ZNF713: variants seen among roughly 807,000 people sequenced by gnomAD.
ZNF713 encodes the protein zinc finger protein 713.
Under a neutral mutation model 28.7 loss-of-function variants are expected in ZNF713, and 21 were observed. The ratio of observed to expected loss-of-function variants is 0.73; its 90% CI spans 0.52 to 1.05. ZNF713 has a LOEUF of 1.05. Among genes scored for constraint, ZNF713 ranks in the 50% least tolerant of loss-of-function variants. ZNF713 has a pLI of 0.00. For missense variants in ZNF713, 458 were observed against 532.4 expected (o/e 0.86, Z 1.37); for synonymous variants, 167 against 178.0 (o/e 0.94, Z 0.49).
chr7:55,913,745 G>A lies in ZNF713; in HGVS notation c.87+1022G>A, dbSNP rs549988637. Among the ~76,000 whole-genome samples the A allele has an allele frequency of 5.9e-5, 9 of 152,220 alleles. No homozygotes were observed. In the East Asian group the frequency reaches 1.5e-3, roughly 26 times the overall value. On this transcript the variant is annotated intron_variant, in intron 4 of 6. Coordinates refer to ENST00000429591, the MANE Select transcript of ZNF713 (RefSeq NM_182633.3). ...TGTCAGTTGCTTGTGTAATTGACTT[G>A]TGAAACTGCTTCATGAAACAGAAAC... is the stretch of plus-strand genomic sequence containing the variant.
chr7:55,895,551 C>G (rs1785458836), intron 1 of ZNF713, among the ~76,000 whole-genome samples: 1 of 144,486 alleles, frequency 6.9e-6, no homozygotes, highest in African/African-American at 2.5e-5. Context: ...TCACTGTAAC[C>G]TCCATCTCCT....
intron 4 of ZNF713, among the ~76,000 whole-genome samples, chr7:55,919,131 G>C (rs565010643): frequency 6.6e-6 from 1 of 152,264 alleles, no homozygotes; most frequent in African/African-American, 2.4e-5. Context: ...GAGGGAAAAA[G>C]ATAAACTAAC....
chr7:55,927,008 T>C (rs1786109264), intron 6 of ZNF713, among the ~76,000 whole-genome samples: 1 of 151,856 alleles, frequency 6.6e-6, no homozygotes, highest in Non-Finnish European at 1.5e-5. Context: ...CAGGCATGGT[T>C]GTGGGCGCTT....
At chr7:55,913,149 C>T (rs1213151642) in intron 4 of ZNF713, among the ~76,000 whole-genome samples, 11 of 150,510 alleles carry the variant, frequency 7.3e-5, no homozygotes, top group Admixed American at 3.3e-4. Context: ...GTTTCCCAAG[C>T]ATCTGTTGTA....
chr7:55,914,539 A>T (rs566089983), intron 4 of ZNF713, among the ~76,000 whole-genome samples: 9 of 152,304 alleles, frequency 5.9e-5, no homozygotes, highest in Non-Finnish European at 7.4e-5. Flanking sequence ...ATATTCAGAA[A>T]TGCATAATGT....
chr7:55,940,983 C>G lies in ZNF713; in HGVS notation c.*977C>G, dbSNP rs1562752054. On this transcript the variant is annotated 3_prime_UTR_variant, in exon 7 of 7. Coordinates refer to ENST00000429591, the MANE Select transcript of ZNF713 (RefSeq NM_182633.3). Reference sequence around the variant, plus strand: ...GGTGCGTACCACCACGCCTGGCTAACTTTTTTTTTGTATTTTTTAGTAGAG... The same window carrying G: ...GGTGCGTACCACCACGCCTGGCTAAGTTTTTTTTTGTATTTTTTAGTAGAG... 6.8e-6 allele frequency: 1 copy of G among 147,232 alleles called. No individual in the cohort carries two copies. The highest frequency in any genetic ancestry group is 1.5e-5 in the Non-Finnish European group (1 of 66,470). 9.1% of individuals were successfully genotyped at this position (147,232 alleles called of 1,614,324 possible).
chr7:55,919,002 GA>G (rs1408206237), intron 4 of ZNF713, among the ~76,000 whole-genome samples: 1,516 of 126,018 alleles, frequency 0.012, 22 homozygotes, highest in African/African-American at 0.037. Context: ...TCAAAAGAAA[GA>G]AAAAAAAAAA....
At chr7:55,915,586 A>C (rs1235001903) in intron 4 of ZNF713, among the ~76,000 whole-genome samples, 1 of 152,240 alleles carries the variant, frequency 6.6e-6, no homozygotes, top group Non-Finnish European at 1.5e-5. Context: ...TTAAGATGAG[A>C]AAGAAAAGAT....
chr7:55,908,135 GTTTTTTTTTTTTTTT>G (rs71015120), intron 2 of ZNF713, among the ~76,000 whole-genome samples: 1 of 54,658 alleles, frequency 1.8e-5, no homozygotes, highest in Non-Finnish European at 3.5e-5. Context: ...ATCCGTTGTT[GTTTTTTTTTTTTTTT>G]TTTTTTTTTT....
chr7:55,891,186 ATAAT>A (rs1156345874), intron 1 of ZNF713, among the ~76,000 whole-genome samples: 2 of 152,214 alleles, frequency 1.3e-5, no homozygotes, highest in Non-Finnish European at 2.9e-5. Flanking sequence ...GAACTAAGAA[ATAAT>A]TCAGTTTCAA....
intron 2 of ZNF713, among the ~76,000 whole-genome samples, chr7:55,906,734 G>T (rs1000327333): frequency 6.6e-6 from 1 of 152,108 alleles, no homozygotes; most frequent in Non-Finnish European, 1.5e-5. Context: ...CACCAGCTGG[G>T]TTTGTGTATG....
chr7:55,888,439 G>A (rs1785318981), intron 1 of ZNF713, among the ~76,000 whole-genome samples: 1 of 152,154 alleles, frequency 6.6e-6, no homozygotes, highest in Admixed American at 6.5e-5. Flanking sequence ...CTGCAGTGCA[G>A]TGGCACCATC....
intron 4 of ZNF713, among the ~76,000 whole-genome samples, chr7:55,918,794 A>C (rs1367727704): frequency 6.6e-6 from 1 of 152,100 alleles, no homozygotes; most frequent in Non-Finnish European, 1.5e-5. Flanking sequence ...GGAGTTTGAG[A>C]CTAGCCTGGC....
Position 55,940,022 on chromosome 7 carries a change from A to T in ZNF713, c.*16A>T. On this transcript the variant is annotated 3_prime_UTR_variant, in exon 7 of 7. Coordinates refer to ENST00000429591, the MANE Select transcript of ZNF713 (RefSeq NM_182633.3). The stretch of plus-strand genomic sequence containing the variant: ...CAGCACATAACTTATGGTGGGGGAA[A>T]TCAGATAAATATATAAATGTAGGAG... 1 of 1,535,982 alleles carries T rather than the reference A, an allele frequency of 6.5e-7. No homozygotes were observed. Among genetic ancestry groups the T allele is most frequent in the Non-Finnish European group, 8.7e-7 (1 of 1,143,672 alleles).
At chr7:55,923,542 G>T in intron 5 of ZNF713, 65 bp from the exon 6 acceptor site, 2 of 1,397,850 alleles carry the variant, frequency 1.4e-6, no homozygotes, top group East Asian at 5.0e-5. Context: ...GAAAAGGTTG[G>T]GAGTGTGTCT....
intron 2 of ZNF713, among the ~76,000 whole-genome samples, chr7:55,910,131 G>T (rs569472154): frequency 1.3e-5 from 2 of 152,064 alleles, no homozygotes; most frequent in Admixed American, 6.6e-5. Context: ...AAAATGCTGG[G>T]ATTATAGGCA....
In ZNF713 at chr7:55,905,205, G is replaced by A. The variant is rs534375627; in HGVS notation, c.-582-1048G>A. 5.3e-5 allele frequency among the ~76,000 whole-genome samples: 8 copies of A among 152,308 alleles called. No individual in the cohort carries two copies. The East Asian group carries it at 9.6e-4, about 18-fold the overall frequency. ...GTTGAAGAAGTCAAGGAAATGAAAG[G>A]TTCCAGTAGTTGTTCCGAACTCTGG... On this transcript the variant is annotated intron_variant, in intron 1 of 6. Coordinates refer to ENST00000429591, the MANE Select transcript of ZNF713 (RefSeq NM_182633.3).
At position 55,941,379 on chromosome 7, in the gene ZNF713, C is replaced by G. The variant is rs1562752255; in HGVS notation, c.*1373C>G. 1 of 151,134 alleles carries G rather than the reference C, an allele frequency of 6.6e-6. No homozygotes were observed. The highest frequency in any genetic ancestry group is 1.5e-5 in the Non-Finnish European group (1 of 67,924). The allele number at this position is 151,134 out of a possible 1,614,324, so 9.4% of individuals were successfully genotyped here. A position where few individuals can be genotyped will look rare whatever the true frequency, so the allele number is the denominator to read the frequency against. On this transcript the variant is annotated 3_prime_UTR_variant, in exon 7 of 7. Transcript: ENST00000429591. ...GCTGAGGCAGAAGAATTGCTTGAAC[C>G]CGGTAGGTGGAGGTTGCAGTGAGCC...
At chr7:55,900,918 A>T (rs1428705045) in intron 1 of ZNF713, among the ~76,000 whole-genome samples, 2 of 152,062 alleles carry the variant, frequency 1.3e-5, no homozygotes, top group African/African-American at 4.8e-5. Flanking sequence ...TGATCCACCC[A>T]CCTTGGCCTC....
Sources: allele counts gnomAD v4.1 joint callset (sites outside exome capture counted in the v4.1 genomes callset), GRCh38; gene constraint gnomAD v4.1.1; transcripts MANE v1.5; gene names NCBI Gene and HGNC (gene_info 2026-07-23, HGNC 2026-07-21).